Variants in ELMO1 observed in about 807,000 individuals in gnomAD.
ELMO1 encodes the protein engulfment and cell motility 1.
Under a neutral mutation model 98.9 loss-of-function variants are expected in ELMO1, and 26 were observed. The ratio of observed to expected loss-of-function variants is 0.26; its 90% CI spans 0.19 to 0.36. The LOEUF is 0.36. Among genes scored for constraint, ELMO1 ranks in the 10% least tolerant of loss-of-function variants. The pLI, the probability that ELMO1 is intolerant of heterozygous loss-of-function variation, is 1.00. For missense variants in ELMO1, 627 were observed against 935.2 expected, an observed-to-expected ratio of 0.67 and a Z score of 4.30; for synonymous variants, 346 against 346.0, an observed-to-expected ratio of 1.00 and a Z score of 0.00.
At chr7:36,901,149 G>C (rs755047173) in intron 16 of ELMO1, among the ~76,000 whole-genome samples, 24 of 152,150 alleles carry the variant, frequency 1.6e-4, no homozygotes, top group Admixed American at 9.2e-4. Flanking sequence ...CTTTAAAATT[G>C]GGTCAGCTTC....
intron 14 of ELMO1, among the ~76,000 whole-genome samples, chr7:37,119,291 GTTTC>G (rs1413194365): frequency 2.6e-5 from 4 of 152,172 alleles, no homozygotes; most frequent in African/African-American, 4.8e-5. Flanking sequence ...AGGGCATAAG[GTTTC>G]TTTATCTTCC....
At chr7:36,957,421 A>T (rs772734157) in intron 16 of ELMO1, among the ~76,000 whole-genome samples, 8 of 152,012 alleles carry the variant, frequency 5.3e-5, no homozygotes, top group African/African-American at 1.5e-4. Context: ...CCTCTTTATG[A>T]CACTTACTCT....
At chr7:37,353,922 A>G (rs1801388950) in intron 1 of ELMO1, among the ~76,000 whole-genome samples, 1 of 152,222 alleles carries the variant, frequency 6.6e-6, no homozygotes, top group South Asian at 2.1e-4. Flanking sequence ...GTCTTTGTTC[A>G]GAATGTTCTC....
Position 36,878,927 on chromosome 7 carries a change from T to C in ELMO1, c.1715-810A>G, listed in dbSNP as rs114806034. ...GGGACTTGAACTGTGACAGCAATGC[T>C]TGTGCAGCTGTCTCCTCCAGGAAGC... is the stretch of plus-strand genomic sequence containing the variant. On this transcript the variant is annotated intron_variant, in intron 18 of 21. Coordinates refer to ENST00000310758, the MANE Select transcript of ELMO1 (RefSeq NM_014800.11). 9.2e-3 allele frequency among the ~76,000 whole-genome samples: 1,407 copies of C among 152,346 alleles called. 11 individuals carry two copies. The highest frequency in any genetic ancestry group is 0.037 in the Middle Eastern group (11 of 294).
chr7:37,345,526 A>G (rs1800955708), intron 1 of ELMO1, among the ~76,000 whole-genome samples: 1 of 152,116 alleles, frequency 6.6e-6, no homozygotes, highest in Non-Finnish European at 1.5e-5. Context: ...CCTGGCCAAC[A>G]TGGTGAAACC....
chr7:36,904,985 C>T (rs952020563), intron 16 of ELMO1, among the ~76,000 whole-genome samples: 1 of 152,232 alleles, frequency 6.6e-6, no homozygotes, highest in Admixed American at 6.5e-5. Flanking sequence ...TCTAATGGAG[C>T]CTGCCTCAGG....
chr7:36,917,971 C>T lies in ELMO1; in HGVS notation c.1438-22954G>A, dbSNP rs145684074. On this transcript the variant is annotated intron_variant, in intron 16 of 21. Transcript: ENST00000310758. ...GTGAAAAAATAAGCATTCTTACTTT[C>T]TATATAGTCTATATTACAGAGATTT... Among the ~76,000 whole-genome samples, 84 of 152,270 alleles carry T rather than the reference C, an allele frequency of 5.5e-4. No individual in the cohort carries two copies. In the East Asian group the frequency reaches 0.015, roughly 27 times the overall value.
chr7:36,918,845 A>G (rs1480281034), intron 16 of ELMO1, among the ~76,000 whole-genome samples: 2 of 152,224 alleles, frequency 1.3e-5, no homozygotes, highest in Non-Finnish European at 2.9e-5. Flanking sequence ...TAATGTGTAG[A>G]CAGGTCTATA....
At chr7:37,068,889 TTAAATA>T (rs1178148871) in intron 15 of ELMO1, among the ~76,000 whole-genome samples, 2 of 152,106 alleles carry the variant, frequency 1.3e-5, no homozygotes, top group Non-Finnish European at 2.9e-5. Flanking sequence ...GCTATAAATC[TTAAATA>T]TAAAGGTGGC....
chr7:37,031,751 C>T (rs1393839008), intron 15 of ELMO1, among the ~76,000 whole-genome samples: 1 of 152,176 alleles, frequency 6.6e-6, no homozygotes, highest in East Asian at 1.9e-4. Flanking sequence ...TGCATGTTTA[C>T]ACGTGAAGCA....
At chr7:37,085,574 G>A (rs1783720515) in intron 15 of ELMO1, among the ~76,000 whole-genome samples, 1 of 151,962 alleles carries the variant, frequency 6.6e-6, no homozygotes, top group Non-Finnish European at 1.5e-5. Context: ...CAACTTATGA[G>A]GACTTTGAAG....
intron 1 of ELMO1, among the ~76,000 whole-genome samples, chr7:37,344,955 T>C (rs903966833): frequency 6.6e-6 from 1 of 152,236 alleles, no homozygotes; most frequent in African/African-American, 2.4e-5. Context: ...TGTGAGTTAC[T>C]ATCCCAGATC....
chr7:37,229,946 T>G (rs1794078793), intron 8 of ELMO1, among the ~76,000 whole-genome samples: 1 of 152,202 alleles, frequency 6.6e-6, no homozygotes, highest in Admixed American at 6.5e-5. Context: ...TTTCTTAAGT[T>G]GTTAGAAAAT....
intron 15 of ELMO1, among the ~76,000 whole-genome samples, chr7:37,032,617 C>T (rs1794942003): frequency 6.6e-6 from 1 of 152,176 alleles, no homozygotes; most frequent in African/African-American, 2.4e-5. Flanking sequence ...GAGAGACATT[C>T]TCCAAAATAA....
At chr7:37,089,457 T>TAC in intron 15 of ELMO1, among the ~76,000 whole-genome samples, 2 of 152,314 alleles carry the variant, frequency 1.3e-5, no homozygotes, top group East Asian at 3.9e-4. Context: ...ATCACAAATG[T>TAC]ATGTCCATTC....
At chr7:37,278,392 C>T (rs974167615) in intron 4 of ELMO1, among the ~76,000 whole-genome samples, 1 of 151,934 alleles carries the variant, frequency 6.6e-6, no homozygotes, top group South Asian at 2.1e-4. Flanking sequence ...GCCTGTGGTC[C>T]CAGCTACTTG....
chr7:37,133,354 A>C lies in ELMO1; in HGVS notation c.1087-120T>G, dbSNP rs1034323755. On this transcript the variant is annotated intron_variant, in intron 13 of 21. Transcript: ENST00000310758. Reference sequence around the variant, plus strand: ...CAAGGTAAGGTCCAAATAATCAAACATGATGACATTTTCTATCTCCATGTA... The same window carrying C: ...CAAGGTAAGGTCCAAATAATCAAACCTGATGACATTTTCTATCTCCATGTA... 4 of 668,896 alleles carry C rather than the reference A, an allele frequency of 6.0e-6. No homozygotes were observed. The East Asian group carries it at 8.7e-5, about 15-fold the overall frequency. 41.4% of individuals were successfully genotyped at this position (668,896 alleles called of 1,614,324 possible). A position where few individuals can be genotyped will look rare whatever the true frequency, so the allele number is the denominator to read the frequency against.
rs147306097 is a variant in ELMO1, at chr7:36,977,206, T to G, written c.1437+36093A>C. On this transcript the variant is annotated intron_variant, in intron 16 of 21. Coordinates refer to ENST00000310758, the MANE Select transcript of ELMO1 (RefSeq NM_014800.11). ...AGGATGTACTCTTCCATAAAACTTG[T>G]TGCTTGACAGAGCATGCCATGTGGT... Among the ~76,000 whole-genome samples, 57 of 152,370 alleles carry G rather than the reference T, an allele frequency of 3.7e-4. No homozygotes were observed. In the East Asian group the frequency reaches 0.01, roughly 27 times the overall value.
chr7:37,314,648 CAT>C (rs1480824361), intron 4 of ELMO1, among the ~76,000 whole-genome samples, 200 bp downstream of exon 4: 5 of 152,276 alleles, frequency 3.3e-5, no homozygotes, highest in Admixed American at 2.6e-4. Context: ...AGACACGAAA[CAT>C]ATTTGGTCTT....
Sources: gnomAD v4.1 joint callset for allele counts (sites outside exome capture counted in the v4.1 genomes callset) on GRCh38, gnomAD v4.1.1 for gene constraint, MANE v1.5 for transcripts, NCBI Gene and HGNC (gene_info 2026-07-23, HGNC 2026-07-21) for gene names.